Variants in SLC4A4 observed in about 807,000 individuals in gnomAD.
SLC4A4 encodes the protein electrogenic sodium bicarbonate cotransporter 1.
Under a neutral mutation model 111.5 loss-of-function variants are expected in SLC4A4, and 27 were observed. The observed-to-expected ratio is 0.24, with a 90% CI of 0.18 to 0.33. The LOEUF (loss-of-function observed/expected upper bound fraction) is 0.33. SLC4A4 is among the 10% of genes least tolerant of loss of function. SLC4A4 has a pLI of 1.00. For missense variants in SLC4A4, 909 were observed against 1,315.5 expected (o/e 0.69, Z 4.78); for synonymous variants, 443 against 463.4 (o/e 0.96, Z 0.57).
chr4:71,359,042 C>T (rs1170223672), intron 6 of SLC4A4, among the ~76,000 whole-genome samples: 1 of 152,110 alleles, frequency 6.6e-6, no homozygotes, highest in Non-Finnish European at 1.5e-5. Context: ...AGGCTTTCTA[C>T]CAATATGATG....
chr4:71,176,463 C>T (rs544128870), intron 2 of SLC4A4, among the ~76,000 whole-genome samples: 1 of 152,042 alleles, frequency 6.6e-6, no homozygotes, highest in Non-Finnish European at 1.5e-5. Context: ...ACTAGAATAA[C>T]CAATGCAGAG....
At chr4:71,543,057 G>T (rs528361042) in intron 18 of SLC4A4, among the ~76,000 whole-genome samples, 1 of 152,092 alleles carries the variant, frequency 6.6e-6, no homozygotes, top group Non-Finnish European at 1.5e-5. Flanking sequence ...ATGTGACACC[G>T]CAAATGTGGC....
chr4:71,358,487 G>A (rs1367839892), intron 6 of SLC4A4, among the ~76,000 whole-genome samples: 1 of 152,092 alleles, frequency 6.6e-6, no homozygotes, highest in Non-Finnish European at 1.5e-5. Flanking sequence ...TAGTATTAAA[G>A]GTAACTGTTG....
chr4:71,221,084 A>C (rs1160283962), intron 1 of SLC4A4, among the ~76,000 whole-genome samples: 2 of 152,182 alleles, frequency 1.3e-5, no homozygotes, highest in Non-Finnish European at 2.9e-5. Flanking sequence ...ATTCCATGGT[A>C]TATTGGTACC....
chr4:71,534,237 CA>C lies in SLC4A4; in HGVS notation c.2294del (p.Asn765ThrfsTer30). On this transcript the variant is annotated frameshift_variant, in exon 18 of 26. Transcript: ENST00000264485. LOFTEE classifies it high-confidence loss of function. ...TCTGTCTTTTTCAAGCCAACAAGTC[CA>C]AACCGAGGTTGGTTCGTTCCACCGT... The part of the protein sequence containing the change: ...IVPSEFKPTS[P>X]NRGWFVPPFG... 6.2e-7 allele frequency: 1 copy of C among 1,613,492 alleles called. No homozygotes were observed. Among genetic ancestry groups the C allele is most frequent in the Non-Finnish European group, 8.5e-7 (1 of 1,179,682 alleles).
chr4:71,364,726 G>A (rs974419401), intron 6 of SLC4A4, among the ~76,000 whole-genome samples: 1 of 152,016 alleles, frequency 6.6e-6, no homozygotes, highest in Non-Finnish European at 1.5e-5. Flanking sequence ...AAGAATTTTG[G>A]GGGGGATACA....
intron 2 of SLC4A4, among the ~76,000 whole-genome samples, chr4:71,102,357 A>G (rs1742774177): frequency 6.6e-6 from 1 of 150,380 alleles, no homozygotes; most frequent in South Asian, 2.1e-4. Flanking sequence ...GCAGGATATT[A>G]TCCAGGAGAA....
intron 3 of SLC4A4, chr4:71,301,339 C>A: frequency 4.5e-6 from 1 of 224,438 alleles, no homozygotes; most frequent in Non-Finnish European, 8.8e-6. Context: ...GAGTCATCTG[C>A]CAACTCCATA....
At chr4:71,141,390 T>C (rs1009995088) in intron 2 of SLC4A4, among the ~76,000 whole-genome samples, 2 of 152,216 alleles carry the variant, frequency 1.3e-5, no homozygotes, top group Admixed American at 6.5e-5. Flanking sequence ...AGGCTCATTT[T>C]CCACTATTCT....
In SLC4A4 at chr4:71,140,374, T is replaced by C. The variant is rs556268023; in HGVS notation, c.-2+47582T>C. On this transcript the variant is annotated intron_variant, in intron 2 of 26. Coordinates refer to the SLC4A4 transcript ENST00000649996. ...AAGTTGAGGTTGCAGTGAGCCATGA[T>C]TGTGCCACTGCACTCTAGCCTGAGC... Among the ~76,000 whole-genome samples, 7 of 152,290 alleles carry C rather than the reference T, an allele frequency of 4.6e-5. No homozygotes were observed. The South Asian group carries it at 1.5e-3, about 32-fold the overall frequency.
chr4:71,553,538 A>G (rs193173376), intron 20 of SLC4A4, among the ~76,000 whole-genome samples: 23 of 151,974 alleles, frequency 1.5e-4, no homozygotes, highest in African/African-American at 5.3e-4. Flanking sequence ...TCCATGGTTG[A>G]ACTATACTTC....
intron 6 of SLC4A4, among the ~76,000 whole-genome samples, chr4:71,376,265 G>A (rs1178754410): frequency 6.6e-6 from 1 of 150,992 alleles, no homozygotes; most frequent in African/African-American, 2.4e-5. Context: ...GCAGTGGCGC[G>A]ATATCGGCTC....
In SLC4A4 at chr4:71,350,082, C is replaced by CT; in HGVS notation, c.550+11dup. 4 of 1,613,924 alleles carry CT rather than the reference C, an allele frequency of 2.5e-6. No individual in the cohort carries two copies. Among genetic ancestry groups the CT allele is most frequent in the Non-Finnish European group, 2.5e-6 (3 of 1,179,942 alleles). ...CTCCCACAGTTGGTGGGTAAGTATG[C>CT]TGTTTGAATTTTATCCTATTTTTTT... On this transcript the variant is annotated intron_variant, in intron 5 of 25. Coordinates refer to ENST00000264485, the MANE Select transcript of SLC4A4 (RefSeq NM_001098484.3).
intron 6 of SLC4A4, among the ~76,000 whole-genome samples, chr4:71,389,641 G>A (rs562020486): frequency 6.6e-6 from 1 of 152,274 alleles, no homozygotes; most frequent in East Asian, 1.9e-4. Flanking sequence ...CTCTAAGGCT[G>A]TCCAAGTCTG....
chr4:71,202,579 C>T (rs990917384), intron 1 of SLC4A4, among the ~76,000 whole-genome samples: 1 of 152,130 alleles, frequency 6.6e-6, no homozygotes, highest in African/African-American at 2.4e-5. Flanking sequence ...TTTGTATACC[C>T]TAATAAAGCC....
intron 1 of SLC4A4, among the ~76,000 whole-genome samples, chr4:71,210,859 G>A (rs1255316720): frequency 6.6e-6 from 1 of 152,144 alleles, no homozygotes; most frequent in Non-Finnish European, 1.5e-5. Context: ...ATGCAGAGTA[G>A]GTACTCAATA....
intron 9 of SLC4A4, 147 bp from the exon 10 acceptor site, chr4:71,450,242 G>A (rs1725632182): frequency 4.5e-6 from 3 of 667,224 alleles, no homozygotes; most frequent in Non-Finnish European, 8.1e-6. Context: ...TTTTCGGGGG[G>A]CAGGCTGAAT....
chr4:71,524,757 C>T (rs1321381441), intron 16 of SLC4A4, among the ~76,000 whole-genome samples: 1 of 151,830 alleles, frequency 6.6e-6, no homozygotes, highest in Non-Finnish European at 1.5e-5. Flanking sequence ...CCATAATTGT[C>T]TGGCATAATT....
chr4:71,453,889 G>A lies in SLC4A4; in HGVS notation c.1497+220G>A, dbSNP rs145927820. On this transcript the variant is annotated intron_variant, in intron 12 of 25. Coordinates refer to ENST00000264485, the MANE Select transcript of SLC4A4 (RefSeq NM_001098484.3). ...GAAATCTGGCTTGAGTCACAAGTAGGGAAAGGAAGGGAAGGAAATGAGGAT... is the reference window on the plus strand; with the variant it reads ...GAAATCTGGCTTGAGTCACAAGTAGAGAAAGGAAGGGAAGGAAATGAGGAT... Among the ~76,000 whole-genome samples the A allele has an allele frequency of 9.2e-3, 1,404 of 152,220 alleles. 13 individuals are homozygous for A. The highest frequency in any genetic ancestry group is 0.014 in the Non-Finnish European group (941 of 68,014).
Sources: gnomAD v4.1 joint callset for allele counts (sites outside exome capture counted in the v4.1 genomes callset) on GRCh38, gnomAD v4.1.1 for gene constraint, MANE v1.5 for transcripts, NCBI Gene and HGNC (gene_info 2026-07-23, HGNC 2026-07-21) for gene names.